EXOC6: variants seen among roughly 807,000 people sequenced by gnomAD.
EXOC6 encodes SEC15-like 1.
Under a neutral mutation model 112.5 loss-of-function variants are expected in EXOC6, and 60 were observed. That is an observed-to-expected ratio of 0.53 (90% confidence interval 0.43 to 0.66). The LOEUF (loss-of-function observed/expected upper bound fraction) is 0.66. Ranked by LOEUF, EXOC6 falls within the 30% of genes least tolerant of loss-of-function variation. EXOC6 has a pLI of 0.00. For synonymous variants in EXOC6, 295 were observed against 308.0 expected (o/e 0.96, Z 0.44); for missense variants, 855 against 957.1 (o/e 0.89, Z 1.41).
At chr10:92,850,878 C>T (rs1315879662) in intron 1 of EXOC6, among the ~76,000 whole-genome samples, 1 of 151,832 alleles carries the variant, frequency 6.6e-6, no homozygotes, top group African/African-American at 2.4e-5. Flanking sequence ...CTGAGAAGCA[C>T]GTGATAAACT....
chr10:92,988,429 C>A (rs1312298666), intron 18 of EXOC6, among the ~76,000 whole-genome samples: 1 of 152,102 alleles, frequency 6.6e-6, no homozygotes, highest in African/African-American at 2.4e-5. Context: ...TCTTTCTGTT[C>A]TTATTCCTGT....
intron 18 of EXOC6, among the ~76,000 whole-genome samples, chr10:92,988,393 G>A (rs1843095617): frequency 1.3e-5 from 2 of 152,172 alleles, no homozygotes. Flanking sequence ...CATTTGAAAT[G>A]CAAGTGTTCC....
At chr10:92,870,738 C>T (rs1364914798) in intron 1 of EXOC6, among the ~76,000 whole-genome samples, 2 of 148,382 alleles carry the variant, frequency 1.3e-5, no homozygotes, top group Non-Finnish European at 3.0e-5. Context: ...GAGATGGAGT[C>T]TCGCTCTGTC....
intron 1 of EXOC6, among the ~76,000 whole-genome samples, chr10:92,862,075 C>T (rs1847936751): frequency 6.6e-6 from 1 of 152,126 alleles, no homozygotes; most frequent in Non-Finnish European, 1.5e-5. Context: ...GTGCAGCCAT[C>T]GTCTCTATCT....
intron 5 of EXOC6, among the ~76,000 whole-genome samples, chr10:92,908,863 G>T (rs1279163740): frequency 6.6e-6 from 1 of 152,088 alleles, no homozygotes; most frequent in Non-Finnish European, 1.5e-5. Context: ...GTAAATATTT[G>T]TTGAATTGAA....
intron 5 of EXOC6, among the ~76,000 whole-genome samples, chr10:92,903,011 C>T (rs1259217564): frequency 1.3e-5 from 2 of 151,970 alleles, no homozygotes; most frequent in Admixed American, 1.3e-4. Flanking sequence ...AGGTACAAGT[C>T]TTTTTTATAG....
At chr10:92,883,250 G>A (rs940143881) in intron 1 of EXOC6, among the ~76,000 whole-genome samples, 6 of 152,174 alleles carry the variant, frequency 3.9e-5, no homozygotes, top group Non-Finnish European at 8.8e-5. Flanking sequence ...AAATCATTTT[G>A]AGATTGACAG....
At chr10:92,849,505 G>T (rs1402863112) in intron 1 of EXOC6, among the ~76,000 whole-genome samples, 2 of 152,120 alleles carry the variant, frequency 1.3e-5, no homozygotes, top group Non-Finnish European at 2.9e-5. Context: ...CTGTCTTCAA[G>T]AATAAGTTCC....
At chr10:92,856,351 T>C (rs376523487) in intron 1 of EXOC6, among the ~76,000 whole-genome samples, 24 of 152,254 alleles carry the variant, frequency 1.6e-4, no homozygotes, top group African/African-American at 5.8e-4. Context: ...TAAATTTTTC[T>C]CTAAGAACAG....
intron 1 of EXOC6, among the ~76,000 whole-genome samples, chr10:92,876,012 C>G (rs1848673196): frequency 6.6e-6 from 1 of 151,976 alleles, no homozygotes. Context: ...TGAGTTTGTC[C>G]TGTGAGTATA....
At chr10:92,951,109 A>G (rs61862327) in intron 14 of EXOC6, among the ~76,000 whole-genome samples, 1,719 of 152,336 alleles carry the variant, frequency 0.011, 19 homozygotes, top group Non-Finnish European at 0.017. Context: ...GAAAAAGATG[A>G]TAATTTCACT....
At chr10:92,875,506 C>G (rs1848645149) in intron 1 of EXOC6, among the ~76,000 whole-genome samples, 1 of 152,004 alleles carries the variant, frequency 6.6e-6, no homozygotes, top group Non-Finnish European at 1.5e-5. Context: ...TTAGATTGCC[C>G]CTGAGACCTG....
chr10:92,951,665 T>C (rs1041163212), intron 14 of EXOC6, among the ~76,000 whole-genome samples: 1 of 152,134 alleles, frequency 6.6e-6, no homozygotes, highest in Non-Finnish European at 1.5e-5. Context: ...GGAGTTTACC[T>C]TTTAGAGACT....
intron 7 of EXOC6, among the ~76,000 whole-genome samples, chr10:92,918,765 C>G (rs1401058947): frequency 1.3e-5 from 2 of 151,922 alleles, no homozygotes; most frequent in Non-Finnish European, 2.9e-5. Context: ...TGAGGTGATA[C>G]ATATGTACAT....
chr10:93,026,690 T>A (rs1191734428), intron 20 of EXOC6, among the ~76,000 whole-genome samples: 1 of 152,202 alleles, frequency 6.6e-6, no homozygotes, highest in Non-Finnish European at 1.5e-5. Context: ...TCAGTGGTCT[T>A]TGATGTTACC....
intron 8 of EXOC6, among the ~76,000 whole-genome samples, chr10:92,927,257 C>T: frequency 6.6e-6 from 1 of 152,068 alleles, no homozygotes; most frequent in East Asian, 1.9e-4. Context: ...GGTTCTCAAC[C>T]TTTCCTTCTG....
chr10:92,884,913 G>T (rs942006164), intron 1 of EXOC6, among the ~76,000 whole-genome samples: 6 of 152,020 alleles, frequency 3.9e-5, no homozygotes, highest in Middle Eastern at 3.2e-3. Context: ...TGATTACTAA[G>T]TCATTTATTT....
chr10:92,982,415 A>T (rs1045731363), intron 18 of EXOC6, among the ~76,000 whole-genome samples: 9 of 56,154 alleles, frequency 1.6e-4, no homozygotes, highest in African/African-American at 2.2e-4. Context: ...ATTGGTAGCC[A>T]TGGTAGGCTA....
At chr10:92,953,031 A>G (rs556157436) in intron 15 of EXOC6, among the ~76,000 whole-genome samples, 1 of 152,180 alleles carries the variant, frequency 6.6e-6, no homozygotes, top group African/African-American at 2.4e-5. Flanking sequence ...CAATAATGGG[A>G]CTGCTGGGTT....
Sources: gnomAD v4.1 joint callset for allele counts (sites outside exome capture counted in the v4.1 genomes callset) on GRCh38, gnomAD v4.1.1 for gene constraint, MANE v1.5 for transcripts, NCBI Gene and HGNC (gene_info 2026-07-23, HGNC 2026-07-21) for gene names.